Variants in XYLT1 observed in about 807,000 individuals in gnomAD.
XYLT1 encodes the protein xylosyltransferase 1.
In XYLT1, 36 loss-of-function variants were observed where a neutral mutation model predicts 91.3. That is an observed-to-expected ratio of 0.39 (90% confidence interval 0.30 to 0.52). The LOEUF (loss-of-function observed/expected upper bound fraction) is 0.52. Among genes scored for constraint, XYLT1 ranks in the 20% least tolerant of loss-of-function variants. XYLT1 has a pLI of 0.68. For synonymous variants in XYLT1, 588 were observed against 532.0 expected, an observed-to-expected ratio of 1.11 and a Z score of -1.45; for missense variants, 1,242 against 1,284.5, an observed-to-expected ratio of 0.97 and a Z score of 0.51.
In XYLT1 at chr16:17,297,764, G is replaced by A. The variant is rs564813226; in HGVS notation, c.403-38266C>T. ...AGGCCGGGCGCGGTGGCTCACGCCTGTAATCCCACCACTTTGGGAGGTCGA... is the reference window on the plus strand; with the variant it reads ...AGGCCGGGCGCGGTGGCTCACGCCTATAATCCCACCACTTTGGGAGGTCGA... On this transcript the variant is annotated intron_variant, in intron 2 of 11. Coordinates refer to ENST00000261381, the MANE Select transcript of XYLT1 (RefSeq NM_022166.4). 1.2e-4 allele frequency among the ~76,000 whole-genome samples: 19 copies of A among 152,244 alleles called. No homozygotes were observed. In the South Asian group the frequency reaches 2.7e-3, roughly 22 times the overall value.
At chr16:17,183,575 A>C (rs2032116174) in intron 5 of XYLT1, among the ~76,000 whole-genome samples, 1 of 152,224 alleles carries the variant, frequency 6.6e-6, no homozygotes, top group Non-Finnish European at 1.5e-5. Flanking sequence ...TGGTTTCTTC[A>C]TACTGCGATG....
At position 17,173,217 on chromosome 16, in the gene XYLT1, T is replaced by C. The variant is rs2031865368; in HGVS notation, c.1290-14308A>G. 3.9e-5 allele frequency among the ~76,000 whole-genome samples: 6 copies of C among 152,296 alleles called. 1 individual carries two copies. The South Asian group carries it at 1.2e-3, about 32-fold the overall frequency. On this transcript the variant is annotated intron_variant, in intron 5 of 11. Transcript: ENST00000261381. ...TGTAAAAACAGGATCGTATTATAAATTGTCAAACAGGACGTGTAGTAGATG... is the reference window on the plus strand; with the variant it reads ...TGTAAAAACAGGATCGTATTATAAACTGTCAAACAGGACGTGTAGTAGATG...
intron 2 of XYLT1, among the ~76,000 whole-genome samples, chr16:17,281,507 A>T (rs1200889688): frequency 2.1e-5 from 3 of 146,070 alleles, no homozygotes; most frequent in African/African-American, 8.4e-5. Flanking sequence ...TTATGTTGTT[A>T]AAAAAAATGA....
intron 1 of XYLT1, among the ~76,000 whole-genome samples, chr16:17,437,700 C>T (rs958792274): frequency 1.3e-5 from 2 of 152,070 alleles, no homozygotes; most frequent in Non-Finnish European, 2.9e-5. Context: ...CTTCAAAATA[C>T]CTCTCCCCAT....
chr16:17,296,214 G>GAACAA (rs539805772), intron 2 of XYLT1, among the ~76,000 whole-genome samples: 244 of 151,830 alleles, frequency 1.6e-3, no homozygotes, highest in Non-Finnish European at 2.6e-3. Context: ...CAGTCCAAGG[G>GAACAA]AACAAAACAA....
chr16:17,357,172 CAAAAAAAAAA>C (rs1168668915), intron 2 of XYLT1, among the ~76,000 whole-genome samples: 2,791 of 41,612 alleles, frequency 0.067, 119 homozygotes, highest in African/African-American at 0.16. Flanking sequence ...GACTCGGTCT[CAAAAAAAAAA>C]AAAAAAAAAA....
At chr16:17,354,805 C>CT (rs1344868660) in intron 2 of XYLT1, 2 of 152,250 alleles carry the variant, frequency 1.3e-5, no homozygotes, top group Non-Finnish European at 2.9e-5. Flanking sequence ...ACCTGACCCC[C>CT]TTGTCTGACC....
In XYLT1 at chr16:17,183,973, C is replaced by T. The variant is rs182882054; in HGVS notation, c.1289+14239G>A. On this transcript the variant is annotated intron_variant, in intron 5 of 11. Transcript: ENST00000261381. ...TCCCTTATCCCACTTTTAATACATGCGGTTCCTCCAGATTGCCCTTGAAAA... is the reference window on the plus strand; with the variant it reads ...TCCCTTATCCCACTTTTAATACATGTGGTTCCTCCAGATTGCCCTTGAAAA... 1.5e-4 allele frequency among the ~76,000 whole-genome samples: 23 copies of T among 152,108 alleles called. No individual in the cohort carries two copies. The East Asian group carries it at 2.9e-3, about 19-fold the overall frequency.
At chr16:17,457,488 C>T (rs1170133092) in intron 1 of XYLT1, among the ~76,000 whole-genome samples, 6 of 152,228 alleles carry the variant, frequency 3.9e-5, no homozygotes, top group African/African-American at 1.4e-4. Flanking sequence ...AACTTCTACC[C>T]ATTTCTAAAC....
intron 1 of XYLT1, among the ~76,000 whole-genome samples, chr16:17,379,763 T>TCTCACACACA (rs373354877): frequency 1.2e-3 from 147 of 125,586 alleles, no homozygotes; most frequent in South Asian, 2.8e-3. Flanking sequence ...TCTCTCTCTC[T>TCTCACACACA]CACACACACA....
chr16:17,278,884 T>A (rs1269564438), intron 2 of XYLT1, among the ~76,000 whole-genome samples: 1 of 152,146 alleles, frequency 6.6e-6, no homozygotes, highest in East Asian at 1.9e-4. Context: ...ACAGGGAAGA[T>A]CCTCCTGAGC....
rs1019955160 is a variant in XYLT1 at position 17,357,908 on chromosome 16, G to A, written c.402+104C>T. On this transcript the variant is annotated intron_variant, in intron 2 of 11. Coordinates refer to ENST00000261381, the MANE Select transcript of XYLT1 (RefSeq NM_022166.4). Reference sequence around the variant, plus strand: ...ACACACACATCCAAATGGGACCAGGGGCAGCCATGGGCCTGTCCAGCCTTT... The same window carrying A: ...ACACACACATCCAAATGGGACCAGGAGCAGCCATGGGCCTGTCCAGCCTTT... 7 of 1,254,336 alleles carry A rather than the reference G, an allele frequency of 5.6e-6. No individual in the cohort carries two copies. In the African/African-American group the frequency reaches 9.0e-5, roughly 16 times the overall value. 77.7% of individuals were successfully genotyped at this position (1,254,336 alleles called of 1,614,324 possible). A position where few individuals can be genotyped will look rare whatever the true frequency, so the allele number is the denominator to read the frequency against.
chr16:17,137,956 C>CTAGA (rs894323767), intron 8 of XYLT1, among the ~76,000 whole-genome samples: 8 of 152,144 alleles, frequency 5.3e-5, no homozygotes, highest in African/African-American at 1.9e-4. Context: ...AAGCTCAGCC[C>CTAGA]TAGATATATA....
chr16:17,138,254 A>ACCATGTGATAAGATGACCT, intron 8 of XYLT1, 101 bp downstream of exon 8: 2 of 1,415,064 alleles, frequency 1.4e-6, no homozygotes, highest in South Asian at 1.3e-5. Flanking sequence ...AGGTTTGGGC[A>ACCATGTGATAAGATGACCT]CCATGTGATA....
rs9806982 is a variant in XYLT1, at chr16:17,133,728, T to A, written c.2027+745A>T. Among the ~76,000 whole-genome samples the A allele has an allele frequency of 2.2e-3, 333 of 152,144 alleles. 4 individuals carry two copies. Among genetic ancestry groups the A allele is most frequent in the African/African-American group, 7.7e-3 (320 of 41,508 alleles). ...GTCTTGACTGGCTTAGGGAAAGAGA[T>A]GAGAGGAGAAGGGATTATGTTGAAT... On this transcript the variant is annotated intron_variant, in intron 9 of 11. Transcript: ENST00000261381.
chr16:17,325,753 G>A (rs1158414736), intron 2 of XYLT1, among the ~76,000 whole-genome samples: 1 of 152,184 alleles, frequency 6.6e-6, no homozygotes, highest in Non-Finnish European at 1.5e-5. Flanking sequence ...ATTTTTGAGA[G>A]TCTTACCCTA....
rs1183848514 is a variant in XYLT1 at position 17,169,469 on chromosome 16, A to G, written c.1290-10560T>C. Among the ~76,000 whole-genome samples the G allele has an allele frequency of 2.0e-5, 3 of 152,200 alleles. No homozygotes were observed. The East Asian group carries it at 5.8e-4, about 29-fold the overall frequency. ...TTGTAAGAAACACATTTTTCATTTT[A>G]AACATACATATGCCTTTCTAAGAGG... On this transcript the variant is annotated intron_variant, in intron 5 of 11. Coordinates refer to ENST00000261381, the MANE Select transcript of XYLT1 (RefSeq NM_022166.4).
chr16:17,468,529 G>A (rs1184152252), intron 1 of XYLT1, among the ~76,000 whole-genome samples: 1 of 152,112 alleles, frequency 6.6e-6, no homozygotes, highest in Non-Finnish European at 1.5e-5. Context: ...GAAGTAAAAA[G>A]GAAAATAGTG....
chr16:17,174,833 C>A (rs547211051), intron 5 of XYLT1, among the ~76,000 whole-genome samples: 17 of 152,136 alleles, frequency 1.1e-4, no homozygotes, highest in Non-Finnish European at 2.5e-4. Context: ...TGCACTGGTG[C>A]GATCTCCGCT....
Sources: gnomAD v4.1 joint callset for allele counts (sites outside exome capture counted in the v4.1 genomes callset) on GRCh38, gnomAD v4.1.1 for gene constraint, MANE v1.5 for transcripts, NCBI Gene and HGNC (gene_info 2026-07-23, HGNC 2026-07-21) for gene names.